Variants in PTPRD observed in about 807,000 individuals in gnomAD.
The protein encoded by PTPRD is receptor-type tyrosine-protein phosphatase delta.
In PTPRD, 34 loss-of-function variants were observed where a neutral mutation model predicts 214.5. The observed-to-expected ratio is 0.16, with a 90% confidence interval of 0.12 to 0.21. The LOEUF (loss-of-function observed/expected upper bound fraction) is 0.21. Among genes scored for constraint, PTPRD ranks in the 10% least tolerant of loss-of-function variants. The pLI is 1.00. For synonymous variants in PTPRD, 1,128 were observed against 845.7 expected, an observed-to-expected ratio of 1.33 and a Z score of -5.79; for missense variants, 2,545 against 2,398.7, an observed-to-expected ratio of 1.06 and a Z score of -1.27.
chr9:9,020,131 G>A (rs75710371), intron 10 of PTPRD, among the ~76,000 whole-genome samples: 2,522 of 152,236 alleles, frequency 0.017, 79 homozygotes, highest in East Asian at 0.072. Flanking sequence ...TTGTGCTCAA[G>A]ATTTTAAAGG....
At chr9:10,149,042 T>C (rs1395719925) in intron 3 of PTPRD, among the ~76,000 whole-genome samples, 1 of 152,202 alleles carries the variant, frequency 6.6e-6, no homozygotes, top group Non-Finnish European at 1.5e-5. Context: ...AGCAGTTCAT[T>C]CATAATAGAA....
At chr9:10,133,647 A>T (rs2098919632) in intron 3 of PTPRD, among the ~76,000 whole-genome samples, 1 of 152,180 alleles carries the variant, frequency 6.6e-6, no homozygotes, top group Non-Finnish European at 1.5e-5. Flanking sequence ...CCATAATAAA[A>T]GTAAATAATA....
At chr9:10,035,739 G>C (rs2097168705) in intron 3 of PTPRD, among the ~76,000 whole-genome samples, 1 of 151,432 alleles carries the variant, frequency 6.6e-6, no homozygotes, top group Non-Finnish European at 1.5e-5. Context: ...AAATGTTATG[G>C]TGCCCAAATA....
chr9:8,853,550 C>T (rs1345134872), intron 11 of PTPRD, among the ~76,000 whole-genome samples: 1 of 152,136 alleles, frequency 6.6e-6, no homozygotes, highest in Non-Finnish European at 1.5e-5. Flanking sequence ...CCAAACAAAC[C>T]TATCCTTTGG....
At chr9:10,344,776 C>G (rs75573529) in intron 2 of PTPRD, among the ~76,000 whole-genome samples, 1,850 of 152,108 alleles carry the variant, frequency 0.012, 46 homozygotes, top group African/African-American at 0.042. Flanking sequence ...GTATTTTATT[C>G]ACTTTGTAGC....
At chr9:10,413,695 C>T (rs1321629007) in intron 2 of PTPRD, among the ~76,000 whole-genome samples, 3 of 151,912 alleles carry the variant, frequency 2.0e-5, no homozygotes, top group African/African-American at 7.2e-5. Flanking sequence ...ATCACATTAC[C>T]TGACTTGAAA....
chr9:8,653,956 CCTCTTT>C (rs2096861805), intron 12 of PTPRD, among the ~76,000 whole-genome samples: 1 of 152,310 alleles, frequency 6.6e-6, no homozygotes, highest in African/African-American at 2.4e-5. Context: ...TCACTCTCTT[CCTCTTT>C]AACAGCTACT....
At chr9:9,545,302 T>C (rs2078523126) in intron 8 of PTPRD, among the ~76,000 whole-genome samples, 1 of 151,802 alleles carries the variant, frequency 6.6e-6, no homozygotes, top group Non-Finnish European at 1.5e-5. Context: ...GCTGTGCCTA[T>C]TCATCCCTCC....
chr9:9,416,236 A>G (rs1033813291), intron 8 of PTPRD, among the ~76,000 whole-genome samples: 1 of 152,154 alleles, frequency 6.6e-6, no homozygotes, highest in African/African-American at 2.4e-5. Flanking sequence ...CTTGTCTGAA[A>G]TTAGAGAACT....
chr9:8,556,746 G>C (rs2083900817), intron 14 of PTPRD, among the ~76,000 whole-genome samples: 1 of 151,948 alleles, frequency 6.6e-6, no homozygotes, highest in African/African-American at 2.4e-5. Flanking sequence ...ATTTTGACAG[G>C]TAAAAAAAGT....
chr9:9,915,918 A>C (rs1175014880), intron 5 of PTPRD, among the ~76,000 whole-genome samples: 1 of 152,146 alleles, frequency 6.6e-6, no homozygotes, highest in African/African-American at 2.4e-5. Context: ...AAGGCGCATT[A>C]TAGTCAAGTT....
intron 3 of PTPRD, among the ~76,000 whole-genome samples, chr9:10,057,514 T>C (rs981815217): frequency 2.0e-5 from 3 of 152,044 alleles, no homozygotes; most frequent in African/African-American, 7.2e-5. Flanking sequence ...AAATCCTCCC[T>C]AAACATTTGG....
intron 39 of PTPRD, among the ~76,000 whole-genome samples, chr9:8,375,315 A>T (rs1462116390): frequency 6.6e-6 from 1 of 151,980 alleles, no homozygotes; most frequent in Non-Finnish European, 1.5e-5. Context: ...TAAGCAAAAA[A>T]TACAAACTAT....
At chr9:10,507,940 C>T (rs982782659) in intron 2 of PTPRD, among the ~76,000 whole-genome samples, 27 of 152,052 alleles carry the variant, frequency 1.8e-4, no homozygotes, top group Non-Finnish European at 2.6e-4. Flanking sequence ...AAAGCCAAAA[C>T]TGACAAATGG....
chr9:8,888,816 C>T (rs1270123147), intron 11 of PTPRD, among the ~76,000 whole-genome samples: 2 of 152,146 alleles, frequency 1.3e-5, no homozygotes, highest in Non-Finnish European at 2.9e-5. Context: ...GTGGAGAGAA[C>T]ACAGACTTTG....
chr9:9,799,122 C>G (rs1361683647), intron 5 of PTPRD, among the ~76,000 whole-genome samples: 1 of 152,038 alleles, frequency 6.6e-6, no homozygotes, highest in Non-Finnish European at 1.5e-5. Flanking sequence ...AGAAGGTTCC[C>G]TCCAATTTAT....
At chr9:8,321,214 G>C (rs1009702452) in intron 44 of PTPRD, among the ~76,000 whole-genome samples, 1 of 151,642 alleles carries the variant, frequency 6.6e-6, no homozygotes, top group Non-Finnish European at 1.5e-5. Flanking sequence ...TTATCTTTTT[G>C]TTGAATGATC....
intron 8 of PTPRD, among the ~76,000 whole-genome samples, chr9:9,495,326 GCAACAA>G (rs1288641433): frequency 7.1e-6 from 1 of 141,322 alleles, no homozygotes; most frequent in Admixed American, 7.0e-5. Context: ...AAAAAAAAAA[GCAACAA>G]CAACAACAAC....
At chr9:8,626,295 C>A (rs561657063) in intron 14 of PTPRD, among the ~76,000 whole-genome samples, 2 of 151,824 alleles carry the variant, frequency 1.3e-5, no homozygotes, top group Admixed American at 1.3e-4. Context: ...TAGTAAACTC[C>A]TTTGTAATTT....
Sources: allele counts gnomAD v4.1 joint callset (sites outside exome capture counted in the v4.1 genomes callset), GRCh38; gene constraint gnomAD v4.1.1; transcripts MANE v1.5; gene names NCBI Gene and HGNC (gene_info 2026-07-23, HGNC 2026-07-21).